FSTL5: variants seen among roughly 807,000 people sequenced by gnomAD.
FSTL5 encodes follistatin-related protein 5.
In FSTL5, 62 loss-of-function variants were observed where a neutral mutation model predicts 89.1. That is an observed-to-expected ratio of 0.70 (90% confidence interval 0.57 to 0.86). FSTL5 has a LOEUF of 0.86. Among genes scored for constraint, FSTL5 ranks in the 40% least tolerant of loss-of-function variants. The pLI is 0.00. For missense variants in FSTL5, 1,057 were observed against 1,001.6 expected (o/e 1.06, Z -0.75); for synonymous variants, 383 against 346.2 (o/e 1.11, Z -1.18).
In FSTL5 at chr4:161,929,683, G is replaced by GTGTGTA. The variant is rs1553983462; in HGVS notation, c.161-9032_161-9031insTACACA. Reference sequence around the variant, plus strand: ...CACGTGTGTGTGTGTGTGTGTGTGTGTGTGTGTGTGTGTGTGTGTACATAG... The same window carrying GTGTGTA: ...CACGTGTGTGTGTGTGTGTGTGTGTGTGTGTATGTGTGTGTGTGTGTGTGTACATAG... On this transcript the variant is annotated intron_variant, in intron 3 of 15. Transcript: ENST00000306100. Among the ~76,000 whole-genome samples the GTGTGTA allele has an allele frequency of 1.2e-4, 12 of 98,258 alleles. No individual in the cohort carries two copies. In the East Asian group the frequency reaches 2.3e-3, roughly 18 times the overall value. The allele number at this position is 98,258 out of a possible 152,430, so 64.5% of individuals were successfully genotyped here. A position where few individuals can be genotyped will look rare whatever the true frequency, so the allele number is the denominator to read the frequency against.
intron 6 of FSTL5, among the ~76,000 whole-genome samples, chr4:161,696,618 A>G (rs900448266): frequency 6.6e-6 from 1 of 152,068 alleles, no homozygotes; most frequent in Non-Finnish European, 1.5e-5. Flanking sequence ...GTCATCTATG[A>G]TTTCTCTCAG....
rs192192595 is a variant in FSTL5 at position 162,149,781 on chromosome 4, G to A, written c.-17+13834C>T. On this transcript the variant is annotated intron_variant, in intron 1 of 15. Coordinates refer to ENST00000306100, the MANE Select transcript of FSTL5 (RefSeq NM_020116.5). ...TAGCGTGCTTCTGAAAAATATTTTT[G>A]TTCCTGGTAGAAATGCTACCTTATG... Among the ~76,000 whole-genome samples, 3 of 152,168 alleles carry A rather than the reference G, an allele frequency of 2.0e-5. No homozygotes were observed. The East Asian group carries it at 5.8e-4, about 29-fold the overall frequency.
chr4:161,615,558 C>T lies in FSTL5; in HGVS notation c.895-27983G>A, dbSNP rs943682653. Among the ~76,000 whole-genome samples, 5 of 151,680 alleles carry T rather than the reference C, an allele frequency of 3.3e-5. No individual in the cohort carries two copies. In the East Asian group the frequency reaches 9.6e-4, roughly 29 times the overall value. On this transcript the variant is annotated intron_variant, in intron 7 of 15. Coordinates refer to ENST00000306100, the MANE Select transcript of FSTL5 (RefSeq NM_020116.5). ...ACAAACACACACACATGCATGTACACGCACACACACACAAACTGCATTTAT... is the reference window on the plus strand; with the variant it reads ...ACAAACACACACACATGCATGTACATGCACACACACACAAACTGCATTTAT...
At chr4:161,534,464 A>G (rs1488358988) in intron 10 of FSTL5, among the ~76,000 whole-genome samples, 1 of 152,112 alleles carries the variant, frequency 6.6e-6, no homozygotes, top group Non-Finnish European at 1.5e-5. Flanking sequence ...TGAAAACACA[A>G]TTCCATTTAT....
At chr4:162,010,750 T>C (rs1736742489) in intron 3 of FSTL5, among the ~76,000 whole-genome samples, 2 of 152,256 alleles carry the variant, frequency 1.3e-5, no homozygotes, top group African/African-American at 4.8e-5. Context: ...CAAAGGTTCA[T>C]CTGTGTTGTA....
At chr4:161,920,702 A>AAT (rs1484587099) in intron 3 of FSTL5, 50 bp from the exon 4 acceptor site, 14 of 1,522,638 alleles carry the variant, frequency 9.2e-6, no homozygotes, top group East Asian at 6.8e-5. Context: ...TTGTCCAAAT[A>AAT]ATATATATAT....
intron 7 of FSTL5, among the ~76,000 whole-genome samples, chr4:161,631,572 G>A (rs894918047): frequency 6.6e-5 from 10 of 152,084 alleles, no homozygotes; most frequent in Admixed American, 2.0e-4. Context: ...AGCCTAGATC[G>A]TACCATTTCA....
chr4:162,091,079 A>G lies in FSTL5; in HGVS notation c.126+20192T>C, dbSNP rs1450898568. Among the ~76,000 whole-genome samples, 7 of 152,148 alleles carry G rather than the reference A, an allele frequency of 4.6e-5. No homozygotes were observed. In the East Asian group the frequency reaches 7.7e-4, roughly 17 times the overall value. ...AAGTGATTATCCAGTTTGTGAATATAAGTTTTGCCTTCCACTTAGAATACA... is the reference window on the plus strand; with the variant it reads ...AAGTGATTATCCAGTTTGTGAATATGAGTTTTGCCTTCCACTTAGAATACA... On this transcript the variant is annotated intron_variant, in intron 2 of 15. Coordinates refer to ENST00000306100, the MANE Select transcript of FSTL5 (RefSeq NM_020116.5).
chr4:161,399,320 CAATT>C, intron 15 of FSTL5, among the ~76,000 whole-genome samples: 1 of 152,106 alleles, frequency 6.6e-6, no homozygotes, highest in South Asian at 2.1e-4. Flanking sequence ...GTAACATAAA[CAATT>C]AACACATATT....
chr4:161,611,231 CAT>C (rs70937667), intron 7 of FSTL5, among the ~76,000 whole-genome samples: 7,054 of 127,896 alleles, frequency 0.055, 139 homozygotes, highest in East Asian at 0.071. Context: ...TATGTGTATA[CAT>C]ATATATATAT....
chr4:161,639,903 C>G (rs1189211540), intron 7 of FSTL5, among the ~76,000 whole-genome samples: 1 of 152,198 alleles, frequency 6.6e-6, no homozygotes, highest in Non-Finnish European at 1.5e-5. Flanking sequence ...CCCCCTTCCT[C>G]AGCTAAAGTG....
chr4:161,705,851 G>C (rs1194774882), intron 6 of FSTL5, among the ~76,000 whole-genome samples: 3 of 147,836 alleles, frequency 2.0e-5, no homozygotes, highest in Non-Finnish European at 3.0e-5. Flanking sequence ...CTTGAGCCCA[G>C]GAAGGTCAAG....
At chr4:161,518,277 T>C (rs1029390590) in intron 10 of FSTL5, among the ~76,000 whole-genome samples, 1 of 152,072 alleles carries the variant, frequency 6.6e-6, no homozygotes, top group Admixed American at 6.6e-5. Context: ...AGTGATGAGA[T>C]GGGATAATCA....
chr4:161,696,756 G>A (rs1373435638), intron 6 of FSTL5, among the ~76,000 whole-genome samples: 2 of 152,136 alleles, frequency 1.3e-5, no homozygotes, highest in Non-Finnish European at 2.9e-5. Flanking sequence ...CAGCTTGGTT[G>A]CTGTTGGTGT....
intron 10 of FSTL5, among the ~76,000 whole-genome samples, chr4:161,514,348 T>A (rs1730746589): frequency 6.6e-6 from 1 of 151,974 alleles, no homozygotes; most frequent in East Asian, 1.9e-4. Context: ...CAGGCCAGTA[T>A]CCTAAATGAA....
At chr4:161,823,382 T>C (rs1026695250) in intron 4 of FSTL5, among the ~76,000 whole-genome samples, 2 of 152,090 alleles carry the variant, frequency 1.3e-5, no homozygotes, top group Non-Finnish European at 2.9e-5. Flanking sequence ...CCCTCGTCAA[T>C]GCCAAAAGTT....
chr4:162,084,452 T>C (rs1301701218), intron 2 of FSTL5, among the ~76,000 whole-genome samples: 2 of 152,016 alleles, frequency 1.3e-5, no homozygotes, highest in Non-Finnish European at 2.9e-5. Flanking sequence ...AACAACAAAA[T>C]GTATTACAAA....
chr4:161,400,851 A>G (rs765004545), intron 15 of FSTL5, among the ~76,000 whole-genome samples: 12 of 152,108 alleles, frequency 7.9e-5, no homozygotes, highest in African/African-American at 1.4e-4. Flanking sequence ...TCCTCTTAGG[A>G]CATTATGTTA....
At chr4:161,804,640 A>T (rs1729903047) in intron 4 of FSTL5, among the ~76,000 whole-genome samples, 1 of 152,038 alleles carries the variant, frequency 6.6e-6, no homozygotes, top group Non-Finnish European at 1.5e-5. Context: ...ATAGAAATTT[A>T]ATAAGGACGG....
Sources: allele counts gnomAD v4.1 joint callset (sites outside exome capture counted in the v4.1 genomes callset), GRCh38; gene constraint gnomAD v4.1.1; transcripts MANE v1.5; gene names NCBI Gene and HGNC (gene_info 2026-07-23, HGNC 2026-07-21).